ZNF90: variants seen among roughly 807,000 people sequenced by gnomAD.
ZNF90 encodes the protein zinc finger protein HTF9.
Under a neutral mutation model 12.0 loss-of-function variants are expected in ZNF90, and 11 were observed. That is an observed-to-expected ratio of 0.92 (90% CI 0.58 to 1.52). The LOEUF is 1.52. Ranked by LOEUF, ZNF90 falls within the 40% of genes most tolerant of loss-of-function variation. The pLI, the probability that ZNF90 is intolerant of heterozygous loss-of-function variation, is 0.00. For missense variants in ZNF90, 765 were observed against 711.5 expected (o/e 1.08, Z -0.86); for synonymous variants, 232 against 240.1 (o/e 0.97, Z 0.31).
intron 1 of ZNF90, among the ~76,000 whole-genome samples, chr19:20,099,924 ATT>A (rs2088976389): frequency 6.6e-6 from 1 of 152,176 alleles, no homozygotes; most frequent in African/African-American, 2.4e-5. Context: ...GGAGAGTATT[ATT>A]GGCTGTACAG....
intron 1 of ZNF90, among the ~76,000 whole-genome samples, chr19:20,087,997 G>A (rs1182014405): frequency 6.6e-6 from 1 of 152,086 alleles, no homozygotes; most frequent in Non-Finnish European, 1.5e-5. Flanking sequence ...CACTTCCTTT[G>A]TGGTGGAATG....
intron 1 of ZNF90, among the ~76,000 whole-genome samples, chr19:20,093,697 GCCGTCAATACT>G (rs2088920315): frequency 6.6e-6 from 1 of 152,084 alleles, no homozygotes; most frequent in African/African-American, 2.4e-5. Context: ...TTGAAGCTTG[GCCGTCAATACT>G]CACAACAGTT....
Position 20,084,959 on chromosome 19 carries a change from C to T in ZNF90, c.3+6824C>T, listed in dbSNP as rs146427516. 4.2e-3 allele frequency among the ~76,000 whole-genome samples: 638 copies of T among 152,164 alleles called. 6 individuals carry two copies. Among genetic ancestry groups the T allele is most frequent in the African/African-American group, 0.015 (609 of 41,538 alleles). Reference sequence around the variant, plus strand: ...TCAATTTTTGCTTTTGTTGCAGTAGCTTTTGGTAGCTTCCTCATGAAGTCT... The same window carrying T: ...TCAATTTTTGCTTTTGTTGCAGTAGTTTTTGGTAGCTTCCTCATGAAGTCT... On this transcript the variant is annotated intron_variant, in intron 1 of 3. Coordinates refer to ENST00000418063, the MANE Select transcript of ZNF90 (RefSeq NM_007138.2).
chr19:20,107,888 G>A (rs141796555), intron 3 of ZNF90, among the ~76,000 whole-genome samples: 14 of 151,990 alleles, frequency 9.2e-5, no homozygotes, highest in African/African-American at 2.2e-4. Context: ...CTTATAAATC[G>A]AAGCTTTGCT....
At chr19:20,102,152 C>T (rs1253445926) in intron 1 of ZNF90, among the ~76,000 whole-genome samples, 1 of 152,076 alleles carries the variant, frequency 6.6e-6, no homozygotes, top group East Asian at 1.9e-4. Flanking sequence ...TTCAAAGAAC[C>T]AAAATGTCAG....
chr19:20,118,211 T>G lies in ZNF90; in HGVS notation c.657T>G (p.His219Gln), dbSNP rs2089158664. Residue 219 changes from histidine to glutamine, a missense_variant, in exon 4 of 4, where the codon CAT (histidine) becomes CAG (glutamine). His to Gln is a conservative substitution (Grantham distance 24). Coordinates refer to ENST00000418063, the MANE Select transcript of ZNF90 (RefSeq NM_007138.2). ...AFNRSSHLTSHKRIHTGEKRY... is the reference protein window; with the variant it reads ...AFNRSSHLTSQKRIHTGEKRY... Reference sequence around the variant, plus strand: ...ACAGGTCCTCACACCTTACTTCACATAAGAGAATTCATACTGGAGAGAAAC... The same window carrying G: ...ACAGGTCCTCACACCTTACTTCACAGAAGAGAATTCATACTGGAGAGAAAC... 1 of 1,609,674 alleles carries G rather than the reference T, an allele frequency of 6.2e-7. No individual in the cohort carries two copies. Among genetic ancestry groups the G allele is most frequent in the Non-Finnish European group, 8.5e-7 (1 of 1,177,732 alleles).
chr19:20,095,340 G>A (rs1308537267), intron 1 of ZNF90, among the ~76,000 whole-genome samples: 2 of 152,108 alleles, frequency 1.3e-5, no homozygotes, highest in African/African-American at 4.8e-5. Flanking sequence ...CTGTCGATTT[G>A]TATTGGGGCC....
In ZNF90 at chr19:20,118,417, A is replaced by C; in HGVS notation, c.863A>C (p.Asp288Ala). 6.2e-7 allele frequency: 1 copy of C among 1,611,268 alleles called. No individual in the cohort carries two copies. Among genetic ancestry groups the C allele is most frequent in the Non-Finnish European group, 8.5e-7 (1 of 1,178,444 alleles). The change falls in exon 4 of 4, where the codon GAT (aspartate) becomes GCT (alanine). Residue 288 changes from aspartate (D) to alanine (A), a missense_variant. Transcript: ENST00000418063. ...IHTGEKPYKC[D>A]KCGRAFISSS... ...ACTGGAGAGAAACCCTACAAGTGTG[A>C]TAAATGTGGCAGAGCATTTATTTCA... is the stretch of plus-strand genomic sequence containing the variant.
Position 20,117,771 on chromosome 19 carries a change from T to C in ZNF90, c.227-10T>C, listed in dbSNP as rs1292089322. ...CAATTGAAGTAATGTGTTCTTATTG[T>C]TTCTTTCAGTTATGTGTTTTCATTT... On this transcript the variant is annotated splice_polypyrimidine_tract_variant and intron_variant, in intron 3 of 3. Transcript: ENST00000418063. 4.0e-6 allele frequency: 6 copies of C among 1,492,474 alleles called. No individual in the cohort carries two copies. Among genetic ancestry groups the C allele is most frequent in the Non-Finnish European group, 5.3e-6 (6 of 1,125,224 alleles). The allele number at this position is 1,492,474 out of a possible 1,614,324, so 92.5% of individuals were successfully genotyped here.
chr19:20,117,754 G>C, intron 3 of ZNF90, 27 bp from the exon 4 acceptor site: 1 of 1,464,114 alleles, frequency 6.8e-7, no homozygotes, highest in Non-Finnish European at 9.0e-7. Flanking sequence ...AGCAATTGAA[G>C]TAATGTGTTC....
Position 20,120,916 on chromosome 19 carries a change from A to T in ZNF90, c.*1556A>T, listed in dbSNP as rs1555706474. The T allele has an allele frequency of 1.3e-5, 2 of 152,282 alleles. No individual in the cohort carries two copies. Among genetic ancestry groups the T allele is most frequent in the Non-Finnish European group, 2.9e-5 (2 of 68,090 alleles). The allele number at this position is 152,282 out of a possible 1,614,324, so 9.4% of individuals were successfully genotyped here. A position where few individuals can be genotyped will look rare whatever the true frequency, so the allele number is the denominator to read the frequency against. Reference sequence around the variant, plus strand: ...TGATGCTGCATCAGAGATATTACAGATTCTTTATTGGGCATTCCTTATAAC... The same window carrying T: ...TGATGCTGCATCAGAGATATTACAGTTTCTTTATTGGGCATTCCTTATAAC... On this transcript the variant is annotated 3_prime_UTR_variant, in exon 4 of 4. Coordinates refer to ENST00000418063, the MANE Select transcript of ZNF90 (RefSeq NM_007138.2).
At chr19:20,113,701 G>A (rs535524329) in intron 3 of ZNF90, among the ~76,000 whole-genome samples, 5 of 152,096 alleles carry the variant, frequency 3.3e-5, no homozygotes, top group African/African-American at 1.2e-4. Flanking sequence ...GTTGGCGGGC[G>A]CTTATAGTCC....
chr19:20,106,490 T>A (rs1261038168), intron 3 of ZNF90, among the ~76,000 whole-genome samples: 7 of 152,220 alleles, frequency 4.6e-5, no homozygotes, highest in African/African-American at 1.7e-4. Flanking sequence ...AGTCTTGCTC[T>A]GTCACCCAGG....
chr19:20,110,134 A>G (rs1022412582), intron 3 of ZNF90, among the ~76,000 whole-genome samples: 1 of 152,226 alleles, frequency 6.6e-6, no homozygotes, highest in African/African-American at 2.4e-5. Context: ...AAGGTGGAAT[A>G]ATATTCCATT....
chr19:20,089,311 C>CGAGCAA (rs1392402918), intron 1 of ZNF90, among the ~76,000 whole-genome samples: 2 of 152,018 alleles, frequency 1.3e-5, no homozygotes, highest in African/African-American at 4.8e-5. Context: ...GAGAGTCTGA[C>CGAGCAA]GAGCAAGGGG....
At chr19:20,108,944 C>G (rs111395281) in intron 3 of ZNF90, among the ~76,000 whole-genome samples, 1 of 151,646 alleles carries the variant, frequency 6.6e-6, no homozygotes, top group African/African-American at 2.4e-5. Context: ...AGGCTGGTCT[C>G]GAGCTCCTGA....
At chr19:20,108,471 G>A (rs1654267) in intron 3 of ZNF90, among the ~76,000 whole-genome samples, 41,775 of 151,760 alleles carry the variant, frequency 0.28, 6,311 homozygotes, top group East Asian at 0.48. Flanking sequence ...CACCACTCCC[G>A]GCTAATTTTT....
At position 20,105,867 on chromosome 19, in the gene ZNF90, T is replaced by C. The variant is rs560154910; in HGVS notation, c.226+551T>C. 8.3e-4 allele frequency among the ~76,000 whole-genome samples: 127 copies of C among 152,248 alleles called. 1 individual carries two copies. Among genetic ancestry groups the C allele is most frequent in the African/African-American group, 3.0e-3 (125 of 41,550 alleles). Reference sequence around the variant, plus strand: ...CTATTCAAAGTTTATTTTAGTTTCATGTAAATTTTAGAATTGTATTTTCCA... The same window carrying C: ...CTATTCAAAGTTTATTTTAGTTTCACGTAAATTTTAGAATTGTATTTTCCA... On this transcript the variant is annotated intron_variant, in intron 3 of 3. Transcript: ENST00000418063.
Position 20,119,934 on chromosome 19 carries a change from A to G in ZNF90, c.*574A>G, listed in dbSNP as rs1272757281. 3.3e-5 allele frequency among the ~76,000 whole-genome samples: 5 copies of G among 152,204 alleles called. No individual in the cohort carries two copies. Among genetic ancestry groups the G allele is most frequent in the Non-Finnish European group, 7.3e-5 (5 of 68,032 alleles). Reference sequence around the variant, plus strand: ...TGGTGATAATTCATGCTGAAGAGGAACTTTACAAACTTGAAAGATGTGACA... The same window carrying G: ...TGGTGATAATTCATGCTGAAGAGGAGCTTTACAAACTTGAAAGATGTGACA... On this transcript the variant is annotated 3_prime_UTR_variant, in exon 4 of 4. Transcript: ENST00000418063.
Sources: allele counts gnomAD v4.1 joint callset (sites outside exome capture counted in the v4.1 genomes callset), GRCh38; gene constraint gnomAD v4.1.1; transcripts MANE v1.5; gene names NCBI Gene and HGNC (gene_info 2026-07-23, HGNC 2026-07-21).